THOC5: variants seen among roughly 807,000 people sequenced by gnomAD.
THOC5 encodes the protein Fms-interacting protein.
A neutral mutation model predicts 92.9 loss-of-function variants in THOC5; 43 were observed. That is an observed-to-expected ratio of 0.46 (90% CI 0.36 to 0.60). The LOEUF is 0.60. THOC5 is among the 20% of genes least tolerant of loss of function. The probability of loss-of-function intolerance (pLI) is 0.00; values close to 1 mark genes in which losing one functional copy is unlikely to be tolerated. For missense variants in THOC5, 659 were observed against 849.4 expected (o/e 0.78, Z 2.79); for synonymous variants, 296 against 320.1 (o/e 0.92, Z 0.80).
chr22:29,546,648 C>T (rs1044796302), intron 2 of THOC5, among the ~76,000 whole-genome samples: 3 of 151,968 alleles, frequency 2.0e-5, no homozygotes, highest in Non-Finnish European at 4.4e-5. Context: ...CCATGTTGCC[C>T]AGGCTGGTCT....
chr22:29,542,763 CA>C (rs370064947), intron 5 of THOC5, 95 bp downstream of exon 5: 56,742 of 602,854 alleles, frequency 0.094, no homozygotes, highest in South Asian at 0.16. Context: ...GACTCCGTCT[CA>C]AAAAAAAAAA....
rs953219909 is a variant in THOC5, at chr22:29,541,107, C to T, written c.453-1631G>A. On this transcript the variant is annotated intron_variant, in intron 5 of 19. Transcript: ENST00000490103. ...TGGCTCATGCATGCAATCGCTTGAA[C>T]CCAGGAGGCAGAGGTTGCAATGAGC... Among the ~76,000 whole-genome samples, 13 of 151,842 alleles carry T rather than the reference C, an allele frequency of 8.6e-5. No homozygotes were observed. In the East Asian group the frequency reaches 2.5e-3, roughly 29 times the overall value.
chr22:29,547,052 C>T (rs1259885252), intron 2 of THOC5, among the ~76,000 whole-genome samples: 13 of 152,022 alleles, frequency 8.6e-5, no homozygotes, highest in Non-Finnish European at 1.3e-4. Flanking sequence ...CCATGTTGGC[C>T]AGGCTGGTCT....
At chr22:29,525,325 G>A (rs976632494) in intron 12 of THOC5, among the ~76,000 whole-genome samples, 4 of 152,036 alleles carry the variant, frequency 2.6e-5, no homozygotes, top group Admixed American at 6.5e-5. Flanking sequence ...GCCTTCCTGG[G>A]GATGCGATGA....
intron 1 of THOC5, among the ~76,000 whole-genome samples, chr22:29,552,769 G>A (rs1012090655): frequency 1.3e-5 from 2 of 152,226 alleles, no homozygotes; most frequent in African/African-American, 4.8e-5. Context: ...AACGGGCCAT[G>A]ATGACGATGG....
intron 8 of THOC5, among the ~76,000 whole-genome samples, chr22:29,530,160 G>A (rs2063623560): frequency 6.7e-6 from 1 of 149,906 alleles, no homozygotes; most frequent in Non-Finnish European, 1.5e-5. Context: ...AAAGAAAAAA[G>A]AAAAACAGTA....
chr22:29,533,144 T>C (rs1435799278), intron 7 of THOC5, among the ~76,000 whole-genome samples: 1 of 152,224 alleles, frequency 6.6e-6, no homozygotes, highest in African/African-American at 2.4e-5. Flanking sequence ...GCAGATTCAA[T>C]GCAATCCCTG....
At position 29,508,358 on chromosome 22, in the gene THOC5, CT is replaced by C; in HGVS notation, c.*98del. ...GTGACGCTTTTTAATTGGCTGGTGT[CT>C]TTGGAGAATATCAAGAGTCACATGT... On this transcript the variant is annotated 3_prime_UTR_variant, in exon 20 of 20. Transcript: ENST00000490103. 8 of 1,291,636 alleles carry C rather than the reference CT, an allele frequency of 6.2e-6. No individual in the cohort carries two copies. The highest frequency in any genetic ancestry group is 8.8e-6 in the Non-Finnish European group (8 of 907,142). The allele number at this position is 1,291,636 out of a possible 1,614,324, so 80.0% of individuals were successfully genotyped here. A position where few individuals can be genotyped will look rare whatever the true frequency, so the allele number is the denominator to read the frequency against.
intron 8 of THOC5, among the ~76,000 whole-genome samples, chr22:29,530,916 C>T (rs939545085): frequency 1.7e-4 from 26 of 152,180 alleles, no homozygotes; most frequent in African/African-American, 6.0e-4. Context: ...TCTATGGCAA[C>T]CCTATGTGAA....
intron 5 of THOC5, among the ~76,000 whole-genome samples, chr22:29,541,172 G>A (rs909951999): frequency 2.7e-5 from 4 of 150,496 alleles, no homozygotes; most frequent in East Asian, 2.0e-4. Context: ...GCAACAGAGC[G>A]AGACTTTATC....
At position 29,513,049 on chromosome 22, in the gene THOC5, G is replaced by A. The variant is rs2063255525; in HGVS notation, c.1682-913C>T. Among the ~76,000 whole-genome samples the A allele has an allele frequency of 2.0e-5, 3 of 152,146 alleles. 1 individual carries two copies. The South Asian group carries it at 6.2e-4, about 32-fold the overall frequency. On this transcript the variant is annotated intron_variant, in intron 17 of 19. Transcript: ENST00000490103. ...TAACACAATTCTTCCCTAACAGTCA[G>A]AACATTAATTAAAAAGTTGTGGCTG... is the stretch of plus-strand genomic sequence containing the variant.
At chr22:29,552,202 G>A (rs1458947623) in intron 1 of THOC5, among the ~76,000 whole-genome samples, 6 of 152,032 alleles carry the variant, frequency 3.9e-5, no homozygotes, top group African/African-American at 9.7e-5. Flanking sequence ...CTGCCCGGCC[G>A]CCACCCCGTC....
At chr22:29,546,512 C>T (rs146422692) in intron 2 of THOC5, among the ~76,000 whole-genome samples, 3,295 of 151,588 alleles carry the variant, frequency 0.022, 130 homozygotes, top group African/African-American at 0.075. Context: ...TCACTGCAAC[C>T]TCTGCCTCCC....
rs1948892179 is a variant in THOC5, at chr22:29,506,863, TC to T, written c.*1593del. On this transcript the variant is annotated 3_prime_UTR_variant, in exon 20 of 20. Coordinates refer to ENST00000490103, the MANE Select transcript of THOC5 (RefSeq NM_003678.5). ...TCTGTGGGTCTATTATATGCAGATT[TC>T]TTTTTTTAAAATTTTTTAGAGATAG... is the stretch of plus-strand genomic sequence containing the variant. 1.5e-5 allele frequency: 2 copies of T among 135,464 alleles called. No individual in the cohort carries two copies. Among genetic ancestry groups the T allele is most frequent in the African/African-American group, 6.7e-5 (2 of 30,024 alleles). The allele number at this position is 135,464 out of a possible 1,614,324, so 8.4% of individuals were successfully genotyped here.
intron 1 of THOC5, 41 bp from the exon 2 acceptor site, chr22:29,549,199 T>C: frequency 1.3e-6 from 2 of 1,575,664 alleles, no homozygotes; most frequent in Non-Finnish European, 1.7e-6. Flanking sequence ...TCTGGAGTCA[T>C]AACACTGAAG....
intron 12 of THOC5, among the ~76,000 whole-genome samples, chr22:29,525,009 A>C (rs1301835968): frequency 6.6e-6 from 1 of 152,196 alleles, no homozygotes; most frequent in Non-Finnish European, 1.5e-5. Flanking sequence ...ATGGTGACTC[A>C]TGCCTGGAAT....
intron 5 of THOC5, among the ~76,000 whole-genome samples, chr22:29,541,968 T>C (rs2063906836): frequency 7.1e-6 from 1 of 140,376 alleles, no homozygotes; most frequent in African/African-American, 2.6e-5. Flanking sequence ...GTCAAGTTTG[T>C]TACAGATAAA....
At chr22:29,528,888 C>T in intron 9 of THOC5, 1 of 530,224 alleles carries the variant, frequency 1.9e-6, no homozygotes, top group South Asian at 2.6e-5. Context: ...TGAGGTGTTA[C>T]TATCTGTTTT....
chr22:29,514,148 A>T (rs940531477), intron 17 of THOC5: 12 of 151,746 alleles, frequency 7.9e-5, no homozygotes, highest in Non-Finnish European at 1.0e-4. Flanking sequence ...ACGGGTTTTC[A>T]CCATCTTGGC....
Sources: gnomAD v4.1 joint callset for allele counts (sites outside exome capture counted in the v4.1 genomes callset) on GRCh38, gnomAD v4.1.1 for gene constraint, MANE v1.5 for transcripts, NCBI Gene and HGNC (gene_info 2026-07-23, HGNC 2026-07-21) for gene names.